The following CNOT4 variants were observed in gnomAD, a reference collection of about 807,000 sequenced individuals.
CNOT4 encodes CCR4-NOT transcription complex subunit 4.
CNOT4 carries 8 observed loss-of-function variants against 73.8 expected under a neutral mutation model. The observed-to-expected ratio is 0.11, with a 90% CI of 0.06 to 0.20. The LOEUF (loss-of-function observed/expected upper bound fraction) is 0.20, where lower values mean the gene tolerates loss of function less well. CNOT4 is among the 10% of genes least tolerant of loss of function. The probability of loss-of-function intolerance (pLI) is 1.00; values close to 1 mark genes in which losing one functional copy is unlikely to be tolerated. For synonymous variants in CNOT4, 293 were observed against 321.1 expected (o/e 0.91, Z 0.94); for missense variants, 564 against 883.4 (o/e 0.64, Z 4.58).
chr7:135,433,599 C>T (rs1798983350), intron 2 of CNOT4, among the ~76,000 whole-genome samples: 2 of 152,164 alleles, frequency 1.3e-5, no homozygotes, highest in East Asian at 1.9e-4. Flanking sequence ...CTCAAACAAT[C>T]CTCCCACCTC....
At chr7:135,370,737 T>C (rs931514282) in intron 10 of CNOT4, among the ~76,000 whole-genome samples, 1 of 152,150 alleles carries the variant, frequency 6.6e-6, no homozygotes, top group Non-Finnish European at 1.5e-5. Context: ...TCTGTTTAAT[T>C]CCTATCTGTA....
intron 10 of CNOT4, among the ~76,000 whole-genome samples, chr7:135,376,342 T>C (rs1447715365): frequency 6.6e-6 from 1 of 152,034 alleles, no homozygotes; most frequent in African/African-American, 2.4e-5. Flanking sequence ...CTAAAAACCA[T>C]GCTGTTCTGC....
At chr7:135,431,992 G>A (rs1798876925) in intron 2 of CNOT4, among the ~76,000 whole-genome samples, 1 of 152,034 alleles carries the variant, frequency 6.6e-6, no homozygotes, top group Non-Finnish European at 1.5e-5. Context: ...GCTTTTTGTT[G>A]AAACTCACAA....
chr7:135,465,309 G>A (rs1273536135), intron 1 of CNOT4, among the ~76,000 whole-genome samples: 3 of 152,102 alleles, frequency 2.0e-5, no homozygotes, highest in African/African-American at 7.2e-5. Context: ...CCAGACATGT[G>A]TATATACACG....
rs532598449 is a variant in CNOT4 at position 135,372,883 on chromosome 7, A to C, written c.1628-8817T>G. 6.6e-5 allele frequency among the ~76,000 whole-genome samples: 10 copies of C among 152,326 alleles called. 1 individual carries two copies. In the South Asian group the frequency reaches 1.9e-3, roughly 28 times the overall value. On this transcript the variant is annotated intron_variant, in intron 10 of 11. Transcript: ENST00000541284. ...TTCCAGATTTTTTAAGAAAACAACT[A>C]TCCAAAAAAAGATCGGGAAAAGGAT...
intron 6 of CNOT4, 67 bp downstream of exon 6, chr7:135,413,421 A>G: frequency 6.4e-7 from 1 of 1,557,684 alleles, no homozygotes. Flanking sequence ...TGCTTTTGCA[A>G]TGTTAACTAA....
intron 1 of CNOT4, among the ~76,000 whole-genome samples, chr7:135,477,473 G>A (rs995777048): frequency 1.3e-5 from 2 of 152,078 alleles, no homozygotes; most frequent in African/African-American, 4.8e-5. Flanking sequence ...CAATTCCTGT[G>A]TATTCTTATA....
intron 1 of CNOT4, among the ~76,000 whole-genome samples, chr7:135,460,652 G>C (rs1800821150): frequency 6.6e-6 from 1 of 152,100 alleles, no homozygotes; most frequent in Non-Finnish European, 1.5e-5. Context: ...TCATTAAAAA[G>C]TGTGAAATAT....
chr7:135,406,617 C>T (rs942600858), intron 7 of CNOT4, among the ~76,000 whole-genome samples: 10 of 152,154 alleles, frequency 6.6e-5, no homozygotes, highest in Admixed American at 1.3e-4. Context: ...GCTACGATTA[C>T]ACCACTGTGC....
chr7:135,458,410 C>A (rs1179731514), intron 1 of CNOT4, among the ~76,000 whole-genome samples: 2 of 151,874 alleles, frequency 1.3e-5, no homozygotes, highest in African/African-American at 2.4e-5. Context: ...GTGGTCGTTG[C>A]CAAAAGATGG....
chr7:135,436,497 T>C (rs919309316), intron 2 of CNOT4, among the ~76,000 whole-genome samples: 3 of 131,344 alleles, frequency 2.3e-5, no homozygotes, highest in Admixed American at 8.3e-5. Context: ...GGGGAACCAA[T>C]TTCTAAAATA....
chr7:135,387,086 C>G, intron 10 of CNOT4: 23 of 984,438 alleles, frequency 2.3e-5, no homozygotes, highest in Non-Finnish European at 2.8e-5. Flanking sequence ...GAAGTCTTGG[C>G]CTCTTACAGT....
chr7:135,417,919 G>A (rs1294823175), intron 3 of CNOT4, among the ~76,000 whole-genome samples: 1 of 152,190 alleles, frequency 6.6e-6, no homozygotes, highest in Non-Finnish European at 1.5e-5. Context: ...TCCCTCCCAA[G>A]GTGGAATGCT....
chr7:135,391,152 C>T (rs1796381561), intron 10 of CNOT4, among the ~76,000 whole-genome samples: 1 of 152,066 alleles, frequency 6.6e-6, no homozygotes, highest in South Asian at 2.1e-4. Context: ...ATATAGTTTT[C>T]CAGATTTTCA....
intron 1 of CNOT4, chr7:135,444,396 T>C (rs1799687351): frequency 2.8e-6 from 2 of 709,894 alleles, no homozygotes; most frequent in Admixed American, 2.0e-5. Flanking sequence ...ATACACAAAA[T>C]GTGGTATATC....
chr7:135,466,391 C>T (rs57872385), intron 1 of CNOT4, among the ~76,000 whole-genome samples: 2,993 of 150,208 alleles, frequency 0.02, 104 homozygotes, highest in African/African-American at 0.07. Context: ...TGAGAATCGC[C>T]TGAACCCAAA....
At chr7:135,456,909 T>C (rs1010748072) in intron 1 of CNOT4, among the ~76,000 whole-genome samples, 6 of 151,806 alleles carry the variant, frequency 4.0e-5, no homozygotes, top group African/African-American at 1.2e-4. Context: ...CTGTGTAAGG[T>C]GGGAAAAGAA....
chr7:135,489,019 A>G (rs1802926965), intron 1 of CNOT4, among the ~76,000 whole-genome samples: 1 of 152,150 alleles, frequency 6.6e-6, no homozygotes, highest in Non-Finnish European at 1.5e-5. Flanking sequence ...GAAAAAAACA[A>G]ATTATTTTAT....
chr7:135,422,855 G>A (rs977979283), intron 2 of CNOT4, among the ~76,000 whole-genome samples: 1 of 152,090 alleles, frequency 6.6e-6, no homozygotes, highest in African/African-American at 2.4e-5. Flanking sequence ...TATAATACTA[G>A]CAATCACACT....
Sources: allele counts gnomAD v4.1 joint callset (sites outside exome capture counted in the v4.1 genomes callset), GRCh38; gene constraint gnomAD v4.1.1; transcripts MANE v1.5; gene names NCBI Gene and HGNC (gene_info 2026-07-23, HGNC 2026-07-21).